The following UBE2E1 variants were observed in gnomAD, a reference collection of about 807,000 sequenced individuals.
UBE2E1 encodes the protein ubiquitin conjugating enzyme E2 E1.
A neutral mutation model predicts 21.4 loss-of-function variants in UBE2E1; 6 were observed. The observed-to-expected ratio is 0.28, with a 90% CI of 0.15 to 0.55. The LOEUF (loss-of-function observed/expected upper bound fraction) is 0.55, where lower values mean the gene tolerates loss of function less well. Among genes scored for constraint, UBE2E1 ranks in the 20% least tolerant of loss-of-function variants. The pLI is 0.93. For missense variants in UBE2E1, 142 were observed against 236.5 expected (o/e 0.60, Z 2.62); for synonymous variants, 87 against 82.7 (o/e 1.05, Z -0.28).
Position 23,842,456 on chromosome 3 carries a change from G to A in UBE2E1, c.203+30946G>A, listed in dbSNP as rs530196824. 1.3e-5 allele frequency among the ~76,000 whole-genome samples: 2 copies of A among 151,956 alleles called. No homozygotes were observed. Among genetic ancestry groups the A allele is most frequent in the African/African-American group, 4.8e-5 (2 of 41,430 alleles). ...GAGACGGAGTCGTGCCATGTTGCCC[G>A]GCCTGTTGTTCGTTTTTCTTTGAAG... On this transcript the variant is annotated intron_variant, in intron 3 of 5. Coordinates refer to ENST00000306627, the MANE Select transcript of UBE2E1 (RefSeq NM_003341.5). The surrounding 1 kb of genome is among the most constrained non-coding windows in gnomAD (Gnocchi z 4.6).
intron 5 of UBE2E1, chr3:23,889,911 T>C (rs759822474): frequency 8.6e-5 from 14 of 163,170 alleles, no homozygotes; most frequent in South Asian, 2.0e-4. Flanking sequence ...TATATATATA[T>C]ACACATATGT....
intron 3 of UBE2E1, among the ~76,000 whole-genome samples, chr3:23,827,088 T>C (rs555106641): frequency 1.3e-5 from 2 of 151,892 alleles, no homozygotes; most frequent in Non-Finnish European, 2.9e-5. Context: ...TTATCCATTA[T>C]AAAAAGTTAT....
At chr3:23,813,821 G>A (rs182948618) in intron 3 of UBE2E1, among the ~76,000 whole-genome samples, 17 of 152,318 alleles carry the variant, frequency 1.1e-4, no homozygotes, top group East Asian at 3.9e-4. Flanking sequence ...GGTTACGGGC[G>A]TGAGCCACTG....
chr3:23,828,706 A>G (rs1011307999), intron 3 of UBE2E1, among the ~76,000 whole-genome samples: 2 of 152,260 alleles, frequency 1.3e-5, no homozygotes, highest in Non-Finnish European at 2.9e-5. Flanking sequence ...CTTTCAATAT[A>G]AAATAAACGT....
At chr3:23,832,032 C>T (rs1269314968) in intron 3 of UBE2E1, among the ~76,000 whole-genome samples, 1 of 152,122 alleles carries the variant, frequency 6.6e-6, no homozygotes, top group Admixed American at 6.6e-5. Context: ...AGGAAGAAAA[C>T]TTAGTCATTT....
chr3:23,855,192 C>A (rs1700408044), intron 3 of UBE2E1, among the ~76,000 whole-genome samples: 1 of 152,142 alleles, frequency 6.6e-6, no homozygotes, highest in Non-Finnish European at 1.5e-5. Context: ...GTGTCTTTTT[C>A]CTTCTTATTG....
Position 23,836,921 on chromosome 3 carries a change from G to A in UBE2E1, c.203+25411G>A, listed in dbSNP as rs1231027354. ...ATAAAGCTCTTGTTAAGTAGTTTAT[G>A]GTCTATCATGAAAAGATGGGCAATT... On this transcript the variant is annotated intron_variant, in intron 3 of 5. Coordinates refer to ENST00000306627, the MANE Select transcript of UBE2E1 (RefSeq NM_003341.5). This position sits in a 1 kb window ranked among gnomAD's most constrained non-coding sequence, Gnocchi z 4.1. Among the ~76,000 whole-genome samples, 1 of 152,138 alleles carries A rather than the reference G, an allele frequency of 6.6e-6. No homozygotes were observed. Among genetic ancestry groups the A allele is most frequent in the East Asian group, 1.9e-4 (1 of 5,184 alleles).
intron 4 of UBE2E1, among the ~76,000 whole-genome samples, chr3:23,888,471 TAA>T (rs1046157729): frequency 6.6e-6 from 1 of 152,232 alleles, no homozygotes; most frequent in African/African-American, 2.4e-5. Flanking sequence ...AAATAAAAAT[TAA>T]GAGACCCAAA....
rs56097157 is a variant in UBE2E1 at position 23,829,164 on chromosome 3, CA to C, written c.203+17670del. ...TTATTATTATTTTGAGACAGGGCCT[CA>C]AAAAAAAAAAAAAAAGAGAGGGCCT... On this transcript the variant is annotated intron_variant, in intron 3 of 5. Coordinates refer to ENST00000306627, the MANE Select transcript of UBE2E1 (RefSeq NM_003341.5). 6.0e-4 allele frequency among the ~76,000 whole-genome samples: 77 copies of C among 128,098 alleles called. 1 individual carries two copies. The highest frequency in any genetic ancestry group is 9.3e-4 in the East Asian group (4 of 4,284). 84.0% of individuals were successfully genotyped at this position (128,098 alleles called of 152,430 possible).
intron 3 of UBE2E1, among the ~76,000 whole-genome samples, chr3:23,874,116 C>G (rs1434989188): frequency 4.6e-5 from 7 of 152,218 alleles, no homozygotes; most frequent in Admixed American, 4.6e-4. Flanking sequence ...GCAGCAGTTG[C>G]AGTGTGGAAG....
intron 3 of UBE2E1, among the ~76,000 whole-genome samples, chr3:23,827,680 A>T (rs541378929): frequency 6.6e-6 from 1 of 152,196 alleles, no homozygotes; most frequent in Non-Finnish European, 1.5e-5. Flanking sequence ...AATTTTACTC[A>T]TATGCAGAGC....
At chr3:23,889,457 G>A in intron 5 of UBE2E1, 198 bp downstream of exon 5, 1 of 1,407,058 alleles carries the variant, frequency 7.1e-7, no homozygotes. Context: ...GTATATTCTA[G>A]CAACAAGGTA....
At chr3:23,818,221 A>G (rs116745551) in intron 3 of UBE2E1, among the ~76,000 whole-genome samples, 2,428 of 152,262 alleles carry the variant, frequency 0.016, 19 homozygotes, top group South Asian at 0.041. Flanking sequence ...GCTTGAGGGA[A>G]AAAGGTTTTG....
rs1386396993 is a variant in UBE2E1 at position 23,811,482 on chromosome 3, A to T, written c.175A>T (p.Ile59Phe). The change falls in exon 3 of 6, where the codon ATC (isoleucine) becomes TTC (phenylalanine). Residue 59 changes from isoleucine (I) to phenylalanine (F), a missense_variant. Ile to Phe is a conservative substitution (Grantham distance 21). Around this residue, in one of 2 missense-constraint regions of UBE2E1, gnomAD observed 87 missense variants for 184.9 expected, o/e 0.47. Coordinates refer to ENST00000306627, the MANE Select transcript of UBE2E1 (RefSeq NM_003341.5). ...CAGAATTCAGAAGGAGCTGGCGGAC[A>T]TCACTTTAGACCCTCCACCTAATTG... ...AKRIQKELAD[I>F]TLDPPPNCSA... 1 of 1,614,218 alleles carries T rather than the reference A, an allele frequency of 6.2e-7. No homozygotes were observed. The highest frequency in any genetic ancestry group is 1.1e-5 in the South Asian group (1 of 91,076).
chr3:23,855,754 C>T (rs1222019344), intron 3 of UBE2E1, among the ~76,000 whole-genome samples: 5 of 151,858 alleles, frequency 3.3e-5, no homozygotes, highest in Non-Finnish European at 7.4e-5. Flanking sequence ...GGCGTGAACC[C>T]GGGAGGCGGA....
At chr3:23,888,813 A>G (rs1701265412) in intron 4 of UBE2E1, among the ~76,000 whole-genome samples, 3 of 152,244 alleles carry the variant, frequency 2.0e-5, no homozygotes, top group African/African-American at 7.2e-5. Flanking sequence ...CTAACACAAG[A>G]GGTCAGCAAA....
intron 3 of UBE2E1, among the ~76,000 whole-genome samples, chr3:23,852,323 C>T (rs111316674): frequency 1.3e-5 from 2 of 152,118 alleles, no homozygotes; most frequent in African/African-American, 4.8e-5. Context: ...CTGCAGTGTA[C>T]ATATTTTATG....
chr3:23,811,380 G>A, intron 2 of UBE2E1, 80 bp from the exon 3 acceptor site: 1 of 1,356,114 alleles, frequency 7.4e-7, no homozygotes, highest in Non-Finnish European at 1.1e-6. Context: ...AGGTTTATCT[G>A]CAGACCTGCA....
Position 23,810,363 on chromosome 3 carries a change from G to A in UBE2E1, c.153-1097G>A. ...GCCAGGGCTTGGTGTGAACTGCCTG[G>A]TGGCTTCGGCCTATGAGTGGGGGAT... On this transcript the variant is annotated intron_variant, in intron 2 of 5. Coordinates refer to ENST00000306627, the MANE Select transcript of UBE2E1 (RefSeq NM_003341.5). The surrounding 1 kb of genome is among the most constrained non-coding windows in gnomAD (Gnocchi z 5.8). 4 of 1,444,096 alleles carry A rather than the reference G, an allele frequency of 2.8e-6. No homozygotes were observed. The highest frequency in any genetic ancestry group is 1.4e-5 in the African/African-American group (1 of 71,050). The allele number at this position is 1,444,096 out of a possible 1,614,324, so 89.5% of individuals were successfully genotyped here.
Sources: allele counts gnomAD v4.1 joint callset (sites outside exome capture counted in the v4.1 genomes callset), GRCh38; gene constraint gnomAD v4.1.1; regional missense constraint gnomAD v4.1.1; non-coding constraint Gnocchi (gnomAD v3.1); transcripts MANE v1.5; gene names NCBI Gene and HGNC (gene_info 2026-07-23, HGNC 2026-07-21).